The following DYRK1A variants were observed in gnomAD, a reference collection of about 807,000 sequenced individuals.
DYRK1A encodes the protein dual specificity tyrosine-phosphorylation-regulated kinase 1A.
Under a neutral mutation model 79.7 loss-of-function variants are expected in DYRK1A, and 9 were observed. That is an observed-to-expected ratio of 0.11 (90% confidence interval 0.07 to 0.20). The LOEUF is 0.20. Among genes scored for constraint, DYRK1A ranks in the 10% least tolerant of loss-of-function variants. DYRK1A has a pLI of 1.00. For synonymous variants in DYRK1A, 349 were observed against 329.7 expected (o/e 1.06, Z -0.63); for missense variants, 622 against 956.0 (o/e 0.65, Z 4.61).
chr21:37,393,749 G>T (rs1337888960), intron 1 of DYRK1A, among the ~76,000 whole-genome samples: 1 of 152,240 alleles, frequency 6.6e-6, no homozygotes, highest in African/African-American at 2.4e-5. Context: ...AATTTGGGCA[G>T]GGCCTGTCTC....
At chr21:37,411,361 C>T (rs2050241478) in intron 1 of DYRK1A, among the ~76,000 whole-genome samples, 1 of 146,060 alleles carries the variant, frequency 6.8e-6, no homozygotes, top group African/African-American at 2.5e-5. Context: ...GTCTCCCCCC[C>T]AACCCCCTCC....
chr21:37,376,688 T>C (rs1034292306), intron 1 of DYRK1A, among the ~76,000 whole-genome samples: 1 of 152,116 alleles, frequency 6.6e-6, no homozygotes, highest in Admixed American at 6.5e-5. Flanking sequence ...ACTACTGGAC[T>C]AGAGGGAGTG....
rs2053960348 is a variant in DYRK1A at position 37,525,241 on chromosome 21, T to C, written c.*12710T>C. 6.6e-6 allele frequency: 1 copy of C among 152,314 alleles called. No homozygotes were observed. The highest frequency in any genetic ancestry group is 2.4e-5 in the African/African-American group (1 of 41,454). The allele number at this position is 152,314 out of a possible 1,614,324, so 9.4% of individuals were successfully genotyped here. A position where few individuals can be genotyped will look rare whatever the true frequency, so the allele number is the denominator to read the frequency against. ...TAAAGAAAAGCCTGAGACTGGGTAA[T>C]TTATAAAGAAAAAGAGGTTTAATGG... On this transcript the variant is annotated 3_prime_UTR_variant, in exon 12 of 12. Transcript: ENST00000647188.
chr21:37,397,091 A>G (rs1443050620), intron 1 of DYRK1A, among the ~76,000 whole-genome samples: 2 of 152,208 alleles, frequency 1.3e-5, no homozygotes, highest in Non-Finnish European at 2.9e-5. Context: ...TCAGTGTCCT[A>G]AGGCCCAGAA....
chr21:37,450,696 G>A (rs1406763630), intron 2 of DYRK1A, among the ~76,000 whole-genome samples: 1 of 152,178 alleles, frequency 6.6e-6, no homozygotes, highest in African/African-American at 2.4e-5. Context: ...GGCAGAGAGT[G>A]TTGGAGTAGG....
At chr21:37,506,434 A>T (rs984495528) in intron 11 of DYRK1A, 1 of 1,414,108 alleles carries the variant, frequency 7.1e-7, no homozygotes, top group Non-Finnish European at 9.5e-7. Context: ...TATTGGGGGC[A>T]TAACAGTTGT....
In DYRK1A at chr21:37,525,623, G is replaced by T. The variant is rs1371291783; in HGVS notation, c.*13092G>T. 4 of 152,196 alleles carry T rather than the reference G, an allele frequency of 2.6e-5. No homozygotes were observed. Among genetic ancestry groups the T allele is most frequent in the African/African-American group, 4.8e-5 (2 of 41,450 alleles). The allele number at this position is 152,196 out of a possible 1,614,324, so 9.4% of individuals were successfully genotyped here. On this transcript the variant is annotated 3_prime_UTR_variant, in exon 12 of 12. Transcript: ENST00000647188. ...ATAATATAAGGTGTTAAAGCCTATA[G>T]ATTATTCATTGTATTATTTAAGTCA... is the stretch of plus-strand genomic sequence containing the variant.
chr21:37,372,479 ATCTG>A (rs1370641342), intron 1 of DYRK1A, among the ~76,000 whole-genome samples: 4 of 151,490 alleles, frequency 2.6e-5, no homozygotes, highest in African/African-American at 9.7e-5. Context: ...GAACTGTGAC[ATCTG>A]TCTGTCTGCT....
intron 1 of DYRK1A, among the ~76,000 whole-genome samples, chr21:37,417,711 C>T (rs1027019031): frequency 1.3e-5 from 2 of 151,178 alleles, no homozygotes; most frequent in Middle Eastern, 3.2e-3. Flanking sequence ...TGAAGATACG[C>T]TGTAGATTAA....
At chr21:37,420,111 A>T (rs944032763) in intron 1 of DYRK1A, 188 bp from the exon 2 acceptor site, 3 of 285,374 alleles carry the variant, frequency 1.1e-5, no homozygotes, top group Admixed American at 5.2e-5. Context: ...AATATATTTT[A>T]TATATAGTTG....
intron 2 of DYRK1A, among the ~76,000 whole-genome samples, chr21:37,440,249 C>T (rs1360680021): frequency 2.7e-5 from 4 of 148,182 alleles, no homozygotes; most frequent in East Asian, 2.0e-4. Flanking sequence ...GATTCTCCTG[C>T]CTCAGCCTCC....
intron 2 of DYRK1A, among the ~76,000 whole-genome samples, chr21:37,452,253 C>G (rs2051477991): frequency 6.6e-6 from 1 of 150,884 alleles, no homozygotes; most frequent in African/African-American, 2.4e-5. Flanking sequence ...TCCCCTGGCC[C>G]CTTTCTGGAT....
At chr21:37,468,138 GTC>G (rs1038162431) in intron 2 of DYRK1A, among the ~76,000 whole-genome samples, 24 of 152,050 alleles carry the variant, frequency 1.6e-4, no homozygotes, top group Non-Finnish European at 3.4e-4. Context: ...TAGAGGTAAG[GTC>G]TCTGTTACCC....
At chr21:37,403,626 C>A (rs900427480) in intron 1 of DYRK1A, among the ~76,000 whole-genome samples, 27 of 122,556 alleles carry the variant, frequency 2.2e-4, no homozygotes, top group African/African-American at 8.2e-4. Flanking sequence ...CCACTATGCT[C>A]AGCTAATTAA....
chr21:37,500,728 G>A (rs1250411995), intron 9 of DYRK1A, among the ~76,000 whole-genome samples: 1 of 151,910 alleles, frequency 6.6e-6, no homozygotes, highest in East Asian at 1.9e-4. Context: ...CATCTAAATT[G>A]TTGAATTTGT....
At chr21:37,495,989 A>G (rs1454557969) in intron 8 of DYRK1A, 129 bp from the exon 9 acceptor site, 6 of 813,444 alleles carry the variant, frequency 7.4e-6, no homozygotes, top group African/African-American at 3.5e-5. Flanking sequence ...TCATTACTGT[A>G]TGCTGGATGT....
chr21:37,476,392 C>T (rs1052386836), intron 3 of DYRK1A, among the ~76,000 whole-genome samples: 3 of 152,250 alleles, frequency 2.0e-5, no homozygotes, highest in Non-Finnish European at 4.4e-5. Flanking sequence ...TTAAGTTATT[C>T]GGTTGACTCT....
intron 3 of DYRK1A, among the ~76,000 whole-genome samples, chr21:37,477,134 G>A (rs905993440): frequency 2.6e-5 from 4 of 152,084 alleles, no homozygotes; most frequent in African/African-American, 4.8e-5. Flanking sequence ...ATTATACCAT[G>A]ACTCCACACA....
Position 37,521,548 on chromosome 21 carries a change from G to T in DYRK1A, c.*9017G>T, listed in dbSNP as rs75952600. ...TGTCACATTTTGTTGTTATAAGTGG[G>T]AAAGATAAGTAATTACAAGTAAGCC... is the stretch of plus-strand genomic sequence containing the variant. On this transcript the variant is annotated 3_prime_UTR_variant, in exon 12 of 12. Coordinates refer to ENST00000647188, the MANE Select transcript of DYRK1A (RefSeq NM_001347721.2). 6.6e-6 allele frequency: 1 copy of T among 152,252 alleles called. No individual in the cohort carries two copies. Among genetic ancestry groups the T allele is most frequent in the Non-Finnish European group, 1.5e-5 (1 of 68,060 alleles). The allele number at this position is 152,252 out of a possible 1,614,324, so 9.4% of individuals were successfully genotyped here.
Sources: gnomAD v4.1 joint callset for allele counts (sites outside exome capture counted in the v4.1 genomes callset) on GRCh38, gnomAD v4.1.1 for gene constraint, MANE v1.5 for transcripts, NCBI Gene and HGNC (gene_info 2026-07-23, HGNC 2026-07-21) for gene names.